Variants in PPM1G observed in about 807,000 individuals in gnomAD.
PPM1G encodes protein phosphatase 1G.
In PPM1G, 12 loss-of-function variants were observed where a neutral mutation model predicts 59.4. The ratio of observed to expected loss-of-function variants is 0.20; its 90% CI spans 0.13 to 0.33. The LOEUF is 0.33. Ranked by LOEUF, PPM1G falls within the 10% of genes least tolerant of loss-of-function variation. The pLI is 1.00. For synonymous variants in PPM1G, 245 were observed against 251.9 expected (o/e 0.97, Z 0.26); for missense variants, 392 against 681.3 (o/e 0.58, Z 4.73).
At chr2:27,407,052 G>A (rs1663388954) in intron 1 of PPM1G, among the ~76,000 whole-genome samples, 1 of 149,158 alleles carries the variant, frequency 6.7e-6, no homozygotes, top group South Asian at 2.1e-4. Context: ...TGCAACCTCC[G>A]CCTCTGGGAT....
At chr2:27,408,485 C>T (rs1410349860) in intron 1 of PPM1G, among the ~76,000 whole-genome samples, 2 of 152,048 alleles carry the variant, frequency 1.3e-5, no homozygotes, top group Non-Finnish European at 2.9e-5. Context: ...TTCTTTTCCC[C>T]TTTTGTCCAG....
At chr2:27,399,024 T>C (rs374409837) in intron 1 of PPM1G, among the ~76,000 whole-genome samples, 17 of 151,392 alleles carry the variant, frequency 1.1e-4, no homozygotes, top group African/African-American at 3.6e-4. Context: ...CACACCTGGG[T>C]CCCAGCTACT....
intron 1 of PPM1G, among the ~76,000 whole-genome samples, chr2:27,391,831 A>C (rs1683913576): frequency 6.6e-6 from 1 of 151,024 alleles, no homozygotes; most frequent in Non-Finnish European, 1.5e-5. Context: ...TCTCGGGTTC[A>C]AGCAATTCTC....
chr2:27,386,021 G>C (rs1221785675), intron 3 of PPM1G, 142 bp from the exon 4 acceptor site: 4 of 1,271,356 alleles, frequency 3.1e-6, no homozygotes, highest in Non-Finnish European at 4.4e-6. Context: ...CAGAGGCCTA[G>C]GAATAATAAG....
At chr2:27,386,445 A>C (rs958433547) in intron 2 of PPM1G, 166 bp from the exon 3 acceptor site, 13 of 475,906 alleles carry the variant, frequency 2.7e-5, no homozygotes, top group Non-Finnish European at 3.4e-5. Context: ...GTTCTGATCC[A>C]AAAAAATGGA....
intron 1 of PPM1G, among the ~76,000 whole-genome samples, chr2:27,395,388 G>C (rs1257256952): frequency 6.6e-6 from 1 of 151,918 alleles, no homozygotes; most frequent in Admixed American, 6.6e-5. Context: ...AAAAATAACT[G>C]GGTGTGGTGG....
intron 1 of PPM1G, among the ~76,000 whole-genome samples, chr2:27,390,309 T>G (rs1469034722): frequency 6.6e-6 from 1 of 152,216 alleles, no homozygotes; most frequent in Admixed American, 6.5e-5. Context: ...CGTGAGCCAT[T>G]GCAACTGGCC....
chr2:27,405,977 T>C (rs917317413), intron 1 of PPM1G, among the ~76,000 whole-genome samples: 7 of 152,074 alleles, frequency 4.6e-5, no homozygotes, highest in African/African-American at 1.7e-4. Flanking sequence ...TACTCCAGCC[T>C]GGGCAACAAG....
intron 1 of PPM1G, among the ~76,000 whole-genome samples, chr2:27,389,101 C>G (rs1002032735): frequency 5.3e-5 from 8 of 152,146 alleles, no homozygotes; most frequent in Non-Finnish European, 1.5e-5. Flanking sequence ...CTCTGGTCAG[C>G]TACCTTATGG....
At chr2:27,387,239 C>T (rs1683786161) in intron 1 of PPM1G, 81 bp from the exon 2 acceptor site, 2 of 1,151,762 alleles carry the variant, frequency 1.7e-6, no homozygotes, top group Non-Finnish European at 2.6e-6. Context: ...TCACCCCTTA[C>T]TAACCTTTCC....
Position 27,383,500 on chromosome 2 carries a change from G to C in PPM1G, c.1067C>G (p.Ala356Gly). The change falls in exon 7 of 10, where the codon GCT becomes GGT. Residue 356 changes from alanine to glycine, a missense_variant. By Grantham distance (60) the Ala-to-Gly change is moderately conservative. This residue lies in a region of PPM1G where 53 missense variants were observed against 175.4 expected (regional missense o/e 0.30). Coordinates refer to ENST00000344034, the MANE Select transcript of PPM1G (RefSeq NM_177983.3). This position sits in a 1 kb window ranked among gnomAD's most constrained non-coding sequence, Gnocchi z 5.0. ...ATAGGACATGTCTAAAGCTTTGCCA[G>C]CCTCAGATACCACACAGCGAGAGTC... ...AGDSRCVVSEAGKALDMSYDH... is the reference protein window; with the variant it reads ...AGDSRCVVSEGGKALDMSYDH... 1 of 1,614,148 alleles carries C rather than the reference G, an allele frequency of 6.2e-7. No homozygotes were observed. Among genetic ancestry groups the C allele is most frequent in the Non-Finnish European group, 8.5e-7 (1 of 1,180,030 alleles).
At position 27,385,998 on chromosome 2, in the gene PPM1G, G is replaced by A; in HGVS notation, c.277-119C>T. 7.4e-7 allele frequency: 1 copy of A among 1,360,474 alleles called. No homozygotes were observed. The highest frequency in any genetic ancestry group is 2.4e-5 in the Admixed American group (1 of 41,014). The allele number at this position is 1,360,474 out of a possible 1,614,324, so 84.3% of individuals were successfully genotyped here. A position where few individuals can be genotyped will look rare whatever the true frequency, so the allele number is the denominator to read the frequency against. ...GCCACCACACTAAGAGACACTCACA[G>A]ATAAAAACAGCTCAGAGGCCTAGGA... On this transcript the variant is annotated intron_variant, in intron 3 of 9. Coordinates refer to ENST00000344034, the MANE Select transcript of PPM1G (RefSeq NM_177983.3). This position sits in a 1 kb window ranked among gnomAD's most constrained non-coding sequence, Gnocchi z 4.1.
intron 1 of PPM1G, among the ~76,000 whole-genome samples, chr2:27,396,298 T>C (rs961141337): frequency 1.2e-4 from 18 of 152,032 alleles, no homozygotes; most frequent in African/African-American, 4.3e-4. Flanking sequence ...AATTAGGCAG[T>C]CACTAAAAGA....
In PPM1G at chr2:27,384,148, C is replaced by T; in HGVS notation, c.826-56G>A. 6.2e-7 allele frequency: 1 copy of T among 1,611,002 alleles called. No homozygotes were observed. Among genetic ancestry groups the T allele is most frequent in the Non-Finnish European group, 8.5e-7 (1 of 1,178,646 alleles). ...ACTGGGATGATCCCCTCCCTCCCCA[C>T]AGCTCATACTCAGAATCAAGAGGTC... is the stretch of plus-strand genomic sequence containing the variant. On this transcript the variant is annotated intron_variant, in intron 5 of 9. Transcript: ENST00000344034. This position sits in a 1 kb window ranked among gnomAD's most constrained non-coding sequence, Gnocchi z 4.8.
chr2:27,390,671 T>C (rs1683878063), intron 1 of PPM1G, among the ~76,000 whole-genome samples: 1 of 152,216 alleles, frequency 6.6e-6, no homozygotes, highest in Non-Finnish European at 1.5e-5. Flanking sequence ...AATGTTTATT[T>C]TAGAATCACA....
Position 27,382,631 on chromosome 2 carries a change from C to A in PPM1G, c.1202-26G>T, listed in dbSNP as rs754781766. The A allele has an allele frequency of 8.1e-6, 13 of 1,613,698 alleles. No individual in the cohort carries two copies. Among genetic ancestry groups the A allele is most frequent in the South Asian group, 1.1e-5 (1 of 91,040 alleles). Reference sequence around the variant, plus strand: ...CTGGAGTAAAGGAATGGTTGATGAGCAGTTTGGATACTTCCCACAGACTTG... The same window carrying A: ...CTGGAGTAAAGGAATGGTTGATGAGAAGTTTGGATACTTCCCACAGACTTG... On this transcript the variant is annotated intron_variant, in intron 7 of 9. Transcript: ENST00000344034. The surrounding 1 kb of genome is among the most constrained non-coding windows in gnomAD (Gnocchi z 4.2).
chr2:27,388,269 C>A (rs1005469486), intron 1 of PPM1G, among the ~76,000 whole-genome samples: 2 of 150,026 alleles, frequency 1.3e-5, no homozygotes, highest in East Asian at 2.1e-4. Flanking sequence ...ATTAGCCAGG[C>A]GTGGTGGTGT....
chr2:27,381,677 T>C lies in PPM1G; in HGVS notation c.1563A>G (p.Lys521=). The C allele has an allele frequency of 6.2e-7, 1 of 1,614,002 alleles. No homozygotes were observed. The highest frequency in any genetic ancestry group is 1.1e-5 in the South Asian group (1 of 91,074). Residue 521 remains lysine (K), a synonymous_variant, in exon 10 of 10, where the codon AAA becomes AAG. Coordinates refer to ENST00000344034, the MANE Select transcript of PPM1G (RefSeq NM_177983.3). The part of the protein sequence containing the change: ...AELQPESGKR[K]LEEVLSTEGA... ...CCTCAGTAGAGAGCACCTCCTCTAG[T>C]TTTCGCTTGCCACTCTCTGGCTGGA...
chr2:27,387,762 G>A (rs1683804631), intron 1 of PPM1G, among the ~76,000 whole-genome samples: 1 of 152,078 alleles, frequency 6.6e-6, no homozygotes, highest in Non-Finnish European at 1.5e-5. Flanking sequence ...GCCTCCCAAA[G>A]TGTTGGCCAG....
Sources: gnomAD v4.1 joint callset for allele counts (sites outside exome capture counted in the v4.1 genomes callset) on GRCh38, gnomAD v4.1.1 for gene constraint, gnomAD v4.1.1 regional missense constraint, Gnocchi (gnomAD v3.1) non-coding constraint, MANE v1.5 for transcripts, NCBI Gene and HGNC (gene_info 2026-07-23, HGNC 2026-07-21) for gene names.